OSBPL3: variants seen among roughly 807,000 people sequenced by gnomAD.
The protein encoded by OSBPL3 is oxysterol-binding protein-related protein 3.
Under a neutral mutation model 120.1 loss-of-function variants are expected in OSBPL3, and 65 were observed. The observed-to-expected ratio is 0.54, with a 90% CI of 0.44 to 0.67. The LOEUF is 0.67. Ranked by LOEUF, OSBPL3 falls within the 30% of genes least tolerant of loss-of-function variation. The pLI is 0.00. For missense variants in OSBPL3, 1,004 were observed against 1,082.1 expected (o/e 0.93, Z 1.01); for synonymous variants, 416 against 402.6 (o/e 1.03, Z -0.40).
chr7:24,822,970 AT>A lies in OSBPL3; in HGVS notation c.1885-2733del, dbSNP rs891730061. Among the ~76,000 whole-genome samples the A allele has an allele frequency of 5.9e-5, 9 of 152,164 alleles. No individual in the cohort carries two copies. The highest frequency in any genetic ancestry group is 5.9e-4 in the Admixed American group (9 of 15,272). On this transcript the variant is annotated intron_variant, in intron 16 of 22. Coordinates refer to ENST00000313367, the MANE Select transcript of OSBPL3 (RefSeq NM_015550.4). The surrounding 1 kb of genome is among the most constrained non-coding windows in gnomAD (Gnocchi z 5.8). ...TTACACAGGCCTTTGGGAATGGTTT[AT>A]TTGGCCCACATTGCTTTTAAGAGTT...
chr7:24,850,209 C>T (rs1798971479), intron 11 of OSBPL3, among the ~76,000 whole-genome samples: 1 of 152,120 alleles, frequency 6.6e-6, no homozygotes, highest in East Asian at 1.9e-4. Flanking sequence ...TTTCCCTGGG[C>T]AGGGATCATT....
At chr7:24,895,453 G>T (rs1042107787) in intron 1 of OSBPL3, among the ~76,000 whole-genome samples, 1 of 152,182 alleles carries the variant, frequency 6.6e-6, no homozygotes, top group Non-Finnish European at 1.5e-5. Flanking sequence ...ACTCTATGAT[G>T]TTCCCACAAC....
rs1226279940 is a variant in OSBPL3, at chr7:24,799,332, T to C, written c.*851A>G. Reference sequence around the variant, plus strand: ...CATTCCATACTCAACAGGGAGGTGATCAAACGGAGGGACAAAAAACGGGGT... The same window carrying C: ...CATTCCATACTCAACAGGGAGGTGACCAAACGGAGGGACAAAAAACGGGGT... On this transcript the variant is annotated 3_prime_UTR_variant, in exon 23 of 23. Transcript: ENST00000313367. The surrounding 1 kb of genome is among the most constrained non-coding windows in gnomAD (Gnocchi z 5.3). The C allele has an allele frequency of 1.3e-5, 2 of 152,206 alleles. No homozygotes were observed. The highest frequency in any genetic ancestry group is 2.9e-5 in the Non-Finnish European group (2 of 68,022). The allele number at this position is 152,206 out of a possible 1,614,324, so 9.4% of individuals were successfully genotyped here.
At chr7:24,971,748 GATCTAACGAGGTAGCGTAAGTA>G (rs540103297) in intron 1 of OSBPL3, among the ~76,000 whole-genome samples, 1 of 141,188 alleles carries the variant, frequency 7.1e-6, no homozygotes, top group South Asian at 2.2e-4. Flanking sequence ...TAAGTGATAA[GATCTAACGAGGTAGCGTAAGTA>G]AAGCACTTAG....
chr7:24,852,621 T>C lies in OSBPL3; in HGVS notation c.1041A>G (p.Leu347=). Residue 347 remains leucine, a synonymous_variant, in exon 11 of 23, where the codon TTA becomes TTG. Transcript: ENST00000313367. The surrounding 1 kb of genome is among the most constrained non-coding windows in gnomAD (Gnocchi z 4.1). ...CHIAHKVYFT[L]RSAFNIMSAE... Reference sequence around the variant, plus strand: ...CTGACATGATATTAAAAGCTGACCTTAAAGTGAAGTAAACTATAGAGATAG... The same window carrying C: ...CTGACATGATATTAAAAGCTGACCTCAAAGTGAAGTAAACTATAGAGATAG... The C allele has an allele frequency of 6.3e-7, 1 of 1,589,364 alleles. No homozygotes were observed. The highest frequency in any genetic ancestry group is 8.5e-7 in the Non-Finnish European group (1 of 1,170,206).
chr7:24,960,169 G>T (rs1041944250), intron 1 of OSBPL3, among the ~76,000 whole-genome samples: 2 of 152,150 alleles, frequency 1.3e-5, no homozygotes, highest in African/African-American at 2.4e-5. Flanking sequence ...GACAAAGAGA[G>T]TGTGAGAGTA....
chr7:24,929,850 G>A lies in OSBPL3; in HGVS notation c.-149-37229C>T, dbSNP rs370414330. ...TTTTGCTCACTAAGCTTTAAATTGT[G>A]GAGTGAATCAATTGGCAAATCTTTG... On this transcript the variant is annotated intron_variant, in intron 1 of 22. Transcript: ENST00000313367. 4.6e-5 allele frequency among the ~76,000 whole-genome samples: 7 copies of A among 152,214 alleles called. No homozygotes were observed. The East Asian group carries it at 1.4e-3, about 29-fold the overall frequency.
chr7:24,902,830 T>G (rs979879951), intron 1 of OSBPL3, among the ~76,000 whole-genome samples: 1 of 152,078 alleles, frequency 6.6e-6, no homozygotes, highest in Non-Finnish European at 1.5e-5. Context: ...TCTGAGGTAC[T>G]AGCATGGACA....
At chr7:24,861,531 ACTCT>A (rs1309616703) in intron 10 of OSBPL3, 78 bp downstream of exon 10, 10 of 866,344 alleles carry the variant, frequency 1.2e-5, no homozygotes, top group South Asian at 4.6e-5. Context: ...CAACTAAGAT[ACTCT>A]CTCTAAGGAC....
chr7:24,865,878 CG>C (rs1801239519), intron 6 of OSBPL3, among the ~76,000 whole-genome samples, 191 bp downstream of exon 6: 1 of 152,128 alleles, frequency 6.6e-6, no homozygotes, highest in African/African-American at 2.4e-5. Context: ...TGTCCGCCCC[CG>C]CCCCAACTAA....
intron 22 of OSBPL3, among the ~76,000 whole-genome samples, chr7:24,800,582 G>A (rs954991369): frequency 5.4e-5 from 8 of 148,646 alleles, no homozygotes; most frequent in Admixed American, 1.4e-4. Flanking sequence ...TCAGCCTCCC[G>A]AGTAGCTGGG....
intron 1 of OSBPL3, 50 bp downstream of exon 1, chr7:24,979,836 C>T (rs1225906856): frequency 7.2e-6 from 7 of 969,610 alleles, no homozygotes; most frequent in Non-Finnish European, 8.6e-6. Flanking sequence ...GCGCCGCCGC[C>T]AGGCCCCCCG....
rs1040597953 is a variant in OSBPL3, at chr7:24,947,031, A to AAT, written c.-150+32854_-150+32855insAT. Among the ~76,000 whole-genome samples, 3 of 152,204 alleles carry AAT rather than the reference A, an allele frequency of 2.0e-5. No homozygotes were observed. Among genetic ancestry groups the AAT allele is most frequent in the Non-Finnish European group, 2.9e-5 (2 of 68,024 alleles). On this transcript the variant is annotated intron_variant, in intron 1 of 22. Transcript: ENST00000313367. This position sits in a 1 kb window ranked among gnomAD's most constrained non-coding sequence, Gnocchi z 4.4. ...TGTCTTTAAATTGTACAACAAAGAA[A>AAT]ACAATCTGTACCACAGAAGGCTGGA... is the stretch of plus-strand genomic sequence containing the variant.
chr7:24,872,564 G>A lies in OSBPL3; in HGVS notation c.97-495C>T, dbSNP rs1037206552. 6.6e-6 allele frequency among the ~76,000 whole-genome samples: 1 copy of A among 151,586 alleles called. No individual in the cohort carries two copies. Among genetic ancestry groups the A allele is most frequent in the African/African-American group, 2.4e-5 (1 of 41,256 alleles). On this transcript the variant is annotated intron_variant, in intron 2 of 22. Transcript: ENST00000313367. The surrounding 1 kb of genome is among the most constrained non-coding windows in gnomAD (Gnocchi z 4.1). ...TGCAAATCAGTAAATATGACAACTT[G>A]ATTGAAATAATTATTTTGTTGAAAA...
intron 1 of OSBPL3, among the ~76,000 whole-genome samples, chr7:24,970,088 T>G (rs576552253): frequency 6.7e-6 from 1 of 150,244 alleles, no homozygotes; most frequent in Admixed American, 6.7e-5. Context: ...CTTCCTACCT[T>G]TCCCTTCGTC....
rs1045502000 is a variant in OSBPL3, at chr7:24,937,665, T to C, written c.-150+42221A>G. 4.0e-5 allele frequency among the ~76,000 whole-genome samples: 6 copies of C among 150,384 alleles called. No homozygotes were observed. The highest frequency in any genetic ancestry group is 8.9e-5 in the Non-Finnish European group (6 of 67,582). ...ACATATCTGGAAATAGAACTGGAGG[T>C]TTATGGTGCTATCAGGCATAAAACA... On this transcript the variant is annotated intron_variant, in intron 1 of 22. Transcript: ENST00000313367. This position sits in a 1 kb window ranked among gnomAD's most constrained non-coding sequence, Gnocchi z 4.0.
chr7:24,963,755 A>G (rs1816058132), intron 1 of OSBPL3, among the ~76,000 whole-genome samples: 1 of 152,240 alleles, frequency 6.6e-6, no homozygotes, highest in Admixed American at 6.5e-5. Flanking sequence ...CTATTTTCTT[A>G]TCTTTAACAT....
At position 24,808,297 on chromosome 7, in the gene OSBPL3, G is replaced by A. The variant is rs1793320613; in HGVS notation, c.2318-1395C>T. ...AAATAGTAGCAAAGTTTCCTATGGT[G>A]TCTTGGTCAGCTCCCCAGTAACCAG... On this transcript the variant is annotated intron_variant, in intron 20 of 22. Transcript: ENST00000313367. The surrounding 1 kb of genome is among the most constrained non-coding windows in gnomAD (Gnocchi z 4.6). 6.6e-6 allele frequency among the ~76,000 whole-genome samples: 1 copy of A among 152,176 alleles called. No homozygotes were observed. The highest frequency in any genetic ancestry group is 2.4e-5 in the African/African-American group (1 of 41,448).
chr7:24,801,949 C>T (rs1050198994), intron 22 of OSBPL3, among the ~76,000 whole-genome samples: 15 of 152,292 alleles, frequency 9.8e-5, no homozygotes, highest in African/African-American at 2.2e-4. Context: ...AACTCTAGCT[C>T]GGCATGTTAT....
Sources: gnomAD v4.1 joint callset for allele counts (sites outside exome capture counted in the v4.1 genomes callset) on GRCh38, gnomAD v4.1.1 for gene constraint, Gnocchi (gnomAD v3.1) non-coding constraint, MANE v1.5 for transcripts, NCBI Gene and HGNC (gene_info 2026-07-23, HGNC 2026-07-21) for gene names.